The following SCNN1A variants were observed in gnomAD, a reference collection of about 807,000 sequenced individuals.
The protein encoded by SCNN1A is epithelial sodium channel subunit alpha.
SCNN1A carries 65 observed loss-of-function variants against 68.6 expected under a neutral mutation model. That is an observed-to-expected ratio of 0.95 (90% CI 0.78 to 1.16). The LOEUF is 1.16. Ranked by LOEUF, SCNN1A falls within the 50% of genes most tolerant of loss-of-function variation. The probability of loss-of-function intolerance (pLI) is 0.00; values close to 1 mark genes in which losing one functional copy is unlikely to be tolerated. For synonymous variants in SCNN1A, 357 were observed against 353.3 expected, an observed-to-expected ratio of 1.01 and a Z score of -0.12; for missense variants, 880 against 865.9, an observed-to-expected ratio of 1.02 and a Z score of -0.20.
rs1948618369 is a variant in SCNN1A at position 6,363,482 on chromosome 12, G to C, written c.645C>G (p.Pro215=). The part of the protein sequence containing the change: ...SVASSLRDNN[P]QVDWKDWKIG... ...TCTTCCAGTCCTTCCAGTCCACCTG[G>C]GGGTTGTTGTCCCGCAAGCTGGAGG... is the stretch of plus-strand genomic sequence containing the variant. The change falls in exon 3 of 13, where the codon CCC becomes CCG. Residue 215 remains proline, a synonymous_variant. Transcript: ENST00000228916. The C allele has an allele frequency of 1.9e-6, 3 of 1,606,616 alleles. No homozygotes were observed. Among genetic ancestry groups the C allele is most frequent in the South Asian group, 1.1e-5 (1 of 90,124 alleles).
chr12:6,369,498 A>G (rs953248252), intron 2 of SCNN1A, among the ~76,000 whole-genome samples: 15 of 150,694 alleles, frequency 1.0e-4, no homozygotes, highest in African/African-American at 3.7e-4. Flanking sequence ...CCCCACCTTC[A>G]CTCTCCCAAA....
At chr12:6,377,183 A>G, upstream of SCNN1A, 1 of 1,349,740 alleles carries the variant, frequency 7.4e-7, no homozygotes, top group Non-Finnish European at 1.0e-6. Context: ...CTCTTGCGGC[A>G]GTCTCTTGCG....
chr12:6,375,396 G>A (rs1948887014), intron 1 of SCNN1A, 109 bp downstream of exon 1: 2 of 1,496,632 alleles, frequency 1.3e-6, no homozygotes, highest in Non-Finnish European at 8.9e-7. Context: ...GGACTGCAGG[G>A]CTCCAGGAGG....
At chr12:6,366,841 T>C (rs955574034) in intron 2 of SCNN1A, among the ~76,000 whole-genome samples, 6 of 151,964 alleles carry the variant, frequency 3.9e-5, no homozygotes, top group East Asian at 3.9e-4. Context: ...TGAATGTTCA[T>C]AGCCATTTTA....
At chr12:6,373,260 C>T (rs935666497) in intron 2 of SCNN1A, among the ~76,000 whole-genome samples, 1 of 152,022 alleles carries the variant, frequency 6.6e-6, no homozygotes, top group Admixed American at 6.6e-5. Flanking sequence ...CATCCAAAAT[C>T]GCACACATAC....
chr12:6,370,143 C>A lies in SCNN1A; in HGVS notation c.416+4225G>T, dbSNP rs185349914. 5.9e-3 allele frequency among the ~76,000 whole-genome samples: 905 copies of A among 152,310 alleles called. 9 individuals are homozygous for A. The highest frequency in any genetic ancestry group is 0.02 in the African/African-American group (813 of 41,562). ...AGCCCTACATTGGAGGGTGAGTCAA[C>A]CCTTACACAATTCCATCGGGCAGGC... On this transcript the variant is annotated intron_variant, in intron 2 of 12. Coordinates refer to ENST00000228916, the MANE Select transcript of SCNN1A (RefSeq NM_001038.6).
At chr12:6,350,121 A>C (rs921982508) in intron 8 of SCNN1A, 1 of 154,192 alleles carries the variant, frequency 6.5e-6, no homozygotes, top group African/African-American at 2.4e-5. Flanking sequence ...ATGGACAAAA[A>C]CATAAACGCC....
At chr12:6,375,156 T>C (rs945411087) in intron 1 of SCNN1A, 11 of 1,463,134 alleles carry the variant, frequency 7.5e-6, no homozygotes, top group Middle Eastern at 2.5e-4. Flanking sequence ...CCCCTTCCTT[T>C]GGTCTTCTTC....
rs773040403 is a variant in SCNN1A at position 6,347,970 on chromosome 12, G to A, written c.1913C>T (p.Thr638Ile). 6.4e-7 allele frequency: 1 copy of A among 1,565,988 alleles called. No homozygotes were observed. Among genetic ancestry groups the A allele is most frequent in the Non-Finnish European group, 8.7e-7 (1 of 1,151,432 alleles). Residue 638 changes from threonine (T) to isoleucine (I), a missense_variant, in exon 13 of 13, where the codon ACA (threonine) becomes ATA (isoleucine). By Grantham distance (89) the Thr-to-Ile change is moderately conservative (BLOSUM62 -1). Around this residue, in one of 3 missense-constraint regions of SCNN1A, gnomAD observed 758 missense variants for 721.8 expected, o/e 1.05. Transcript: ENST00000228916. ...GGTGGCATAGGCAGGGGGAGGGGCTGTCAAGGCTGGAGAGGGAGCAGGGCC... is the reference window on the plus strand; with the variant it reads ...GGTGGCATAGGCAGGGGGAGGGGCTATCAAGGCTGGAGAGGGAGCAGGGCC... ...QPGPAPSPAL[T>I]APPPAYATLG...
chr12:6,375,450 T>C, intron 1 of SCNN1A, 55 bp downstream of exon 1: 1 of 1,535,288 alleles, frequency 6.5e-7, no homozygotes, highest in Non-Finnish European at 8.7e-7. Context: ...GCGGCTGGAC[T>C]GGGACTGGTT....
In SCNN1A at chr12:6,372,144, G is replaced by T. The variant is rs1252250632; in HGVS notation, c.416+2224C>A. Among the ~76,000 whole-genome samples the T allele has an allele frequency of 6.6e-6, 1 of 152,108 alleles. No homozygotes were observed. Among genetic ancestry groups the T allele is most frequent in the Non-Finnish European group, 1.5e-5 (1 of 68,006 alleles). On this transcript the variant is annotated intron_variant, in intron 2 of 12. Coordinates refer to ENST00000228916, the MANE Select transcript of SCNN1A (RefSeq NM_001038.6). The surrounding 1 kb of genome is among the most constrained non-coding windows in gnomAD (Gnocchi z 5.8). ...CAGGCGTGAGGCACCATGCCCAGCG[G>T]TTATTTTTTAATTTAATAAATAAAT...
At position 6,363,501 on chromosome 12, in the gene SCNN1A, C is replaced by T; in HGVS notation, c.626G>A (p.Ser209Asn). 6.2e-7 allele frequency: 1 copy of T among 1,608,372 alleles called. No individual in the cohort carries two copies. The highest frequency in any genetic ancestry group is 8.5e-7 in the Non-Finnish European group (1 of 1,177,456). ...CACCTGGGGGTTGTTGTCCCGCAAG[C>T]TGGAGGCCACGCTACGGGCTCGACG... ...GARRARSVASSLRDNNPQVDW... is the reference protein window; with the variant it reads ...GARRARSVASNLRDNNPQVDW... Residue 209 changes from serine to asparagine, a missense_variant, in exon 3 of 13, where the codon AGC becomes AAC. Transcript: ENST00000228916.
intron 1 of SCNN1A, chr12:6,375,252 T>G (rs1175753117): frequency 7.0e-7 from 1 of 1,437,052 alleles, no homozygotes; most frequent in African/African-American, 1.4e-5. Context: ...GCTCTCCTCT[T>G]TCTGGCCTGC....
chr12:6,374,974 C>T lies in SCNN1A; in HGVS notation c.-54-137G>A. On this transcript the variant is annotated intron_variant, in intron 1 of 12. Transcript: ENST00000228916. The surrounding 1 kb of genome is among the most constrained non-coding windows in gnomAD (Gnocchi z 6.2). Reference sequence around the variant, plus strand: ...GGCCATGCCCATGTCCCACCCTGCGCCCACATTCTCCCACTCCTCCCTCCC... The same window carrying T: ...GGCCATGCCCATGTCCCACCCTGCGTCCACATTCTCCCACTCCTCCCTCCC... The T allele has an allele frequency of 1.3e-6, 2 of 1,555,636 alleles. No homozygotes were observed. The highest frequency in any genetic ancestry group is 1.7e-6 in the Non-Finnish European group (2 of 1,149,630).
chr12:6,374,873 G>C lies in SCNN1A; in HGVS notation c.-54-36C>G, dbSNP rs780765647. 1 of 1,613,942 alleles carries C rather than the reference G, an allele frequency of 6.2e-7. No individual in the cohort carries two copies. Among genetic ancestry groups the C allele is most frequent in the Non-Finnish European group, 8.5e-7 (1 of 1,179,982 alleles). ...CCCGGAGTGGATTGGGGAGAGCAAG[G>C]GTCAGGGTCAAGGCTGAGCTCTGGG... is the stretch of plus-strand genomic sequence containing the variant. On this transcript the variant is annotated intron_variant, in intron 1 of 12. Coordinates refer to ENST00000228916, the MANE Select transcript of SCNN1A (RefSeq NM_001038.6). This position sits in a 1 kb window ranked among gnomAD's most constrained non-coding sequence, Gnocchi z 6.2.
rs755251680 is a variant in SCNN1A at position 6,355,764 on chromosome 12, G to A, written c.979+13C>T. ...AGCAGAGGGCGCCATGGAGCAAGCA[G>A]GGAGCTTCTCACCGTTGTTGATTCC... On this transcript the variant is annotated intron_variant, in intron 5 of 12. Transcript: ENST00000228916. The A allele has an allele frequency of 1.4e-5, 22 of 1,567,880 alleles. No individual in the cohort carries two copies. Among genetic ancestry groups the A allele is most frequent in the Non-Finnish European group, 1.8e-5 (20 of 1,138,084 alleles).
rs140504403 is a variant in SCNN1A at position 6,367,881 on chromosome 12, T to C, written c.417-4171A>G. 5.0e-3 allele frequency among the ~76,000 whole-genome samples: 761 copies of C among 152,346 alleles called. 9 individuals carry two copies. Among genetic ancestry groups the C allele is most frequent in the African/African-American group, 0.018 (730 of 41,572 alleles). Reference sequence around the variant, plus strand: ...CATTAACCACCGTCTAGTCCAGATCTTCACTTCCTCTTCCATTCAGCTCTA... The same window carrying C: ...CATTAACCACCGTCTAGTCCAGATCCTCACTTCCTCTTCCATTCAGCTCTA... On this transcript the variant is annotated intron_variant, in intron 2 of 12. Transcript: ENST00000228916.
At chr12:6,356,637 A>C (rs747382003) in intron 4 of SCNN1A, among the ~76,000 whole-genome samples, 57 of 152,198 alleles carry the variant, frequency 3.7e-4, no homozygotes, top group Non-Finnish European at 1.2e-4. Context: ...GACAGAGAGA[A>C]AGCAATCACA....
chr12:6,361,356 G>T (rs1021269962), intron 4 of SCNN1A, among the ~76,000 whole-genome samples: 1 of 152,160 alleles, frequency 6.6e-6, no homozygotes, highest in African/African-American at 2.4e-5. Context: ...CACTACTACT[G>T]CCAGCCTCAG....
Sources: allele counts gnomAD v4.1 joint callset (sites outside exome capture counted in the v4.1 genomes callset), GRCh38; gene constraint gnomAD v4.1.1; regional missense constraint gnomAD v4.1.1; non-coding constraint Gnocchi (gnomAD v3.1); transcripts MANE v1.5; gene names NCBI Gene and HGNC (gene_info 2026-07-23, HGNC 2026-07-21).